Variants in TRMT1L observed in about 807,000 individuals in gnomAD.
TRMT1L encodes the protein tRNA (guanine(27)-N(2))-dimethyltransferase.
A neutral mutation model predicts 81.6 loss-of-function variants in TRMT1L; 28 were observed. That is an observed-to-expected ratio of 0.34 (90% CI 0.25 to 0.47). The LOEUF is 0.47. Ranked by LOEUF, TRMT1L falls within the 20% of genes least tolerant of loss-of-function variation. TRMT1L has a pLI of 1.00. For synonymous variants in TRMT1L, 301 were observed against 303.2 expected (o/e 0.99, Z 0.07); for missense variants, 739 against 877.1 (o/e 0.84, Z 1.99).
Position 185,120,290 on chromosome 1 carries a change from A to T in TRMT1L, c.1950-19T>A, listed in dbSNP as rs777399464. 2 of 1,513,594 alleles carry T rather than the reference A, an allele frequency of 1.3e-6. No homozygotes were observed. The highest frequency in any genetic ancestry group is 2.1e-5 in the Admixed American group (1 of 46,758). The allele number at this position is 1,513,594 out of a possible 1,614,324, so 93.8% of individuals were successfully genotyped here. Reference sequence around the variant, plus strand: ...TTTTAACCTGCAAAAAGGAAAGGAAAGAAAAAATAATCAGGTTCTTGTATT... The same window carrying T: ...TTTTAACCTGCAAAAAGGAAAGGAATGAAAAAATAATCAGGTTCTTGTATT... On this transcript the variant is annotated intron_variant, in intron 14 of 14. Coordinates refer to ENST00000367506, the MANE Select transcript of TRMT1L (RefSeq NM_030934.5).
intron 10 of TRMT1L, among the ~76,000 whole-genome samples, chr1:185,134,276 G>A (rs773466233): frequency 6.6e-6 from 1 of 152,094 alleles, no homozygotes. Context: ...TCTGCCTCCT[G>A]GGTTCAAGTG....
chr1:185,137,692 T>C lies in TRMT1L; in HGVS notation c.1427A>G (p.Asp476Gly), dbSNP rs1345218520. The change falls in exon 10 of 15, where the codon GAT becomes GGT. Residue 476 changes from aspartate to glycine, a missense_variant. This residue lies in a region of TRMT1L where 331 missense variants were observed against 462.2 expected (regional missense o/e 0.72). Coordinates refer to ENST00000367506, the MANE Select transcript of TRMT1L (RefSeq NM_030934.5). ...VRVLRGPTSA[D>G]ETAKKIQYLI... ...GTATTGAATCTTCTTGGCTGTTTCA[T>C]CTGCTGAAGTAGGTCCCCTCAAAAC... The C allele has an allele frequency of 3.1e-6, 5 of 1,614,182 alleles. No individual in the cohort carries two copies. Among genetic ancestry groups the C allele is most frequent in the Non-Finnish European group, 4.2e-6 (5 of 1,180,040 alleles).
At chr1:185,124,179 A>C (rs529081559) in intron 12 of TRMT1L, among the ~76,000 whole-genome samples, 1 of 152,310 alleles carries the variant, frequency 6.6e-6, no homozygotes, top group East Asian at 1.9e-4. Context: ...TGTTTGTACT[A>C]AACAGAAAAA....
In TRMT1L at chr1:185,119,734, T is replaced by G; in HGVS notation, c.*285A>C. On this transcript the variant is annotated 3_prime_UTR_variant, in exon 15 of 15. Coordinates refer to ENST00000367506, the MANE Select transcript of TRMT1L (RefSeq NM_030934.5). The stretch of plus-strand genomic sequence containing the variant: ...TACATAAAATTCCAAACACTTTGCA[T>G]GTGAAAATTTTCTGAATTATTAAGC... 3.9e-6 allele frequency: 1 copy of G among 259,226 alleles called. No individual in the cohort carries two copies. Among genetic ancestry groups the G allele is most frequent in the Non-Finnish European group, 7.3e-6 (1 of 137,270 alleles). The allele number at this position is 259,226 out of a possible 1,614,324, so 16.1% of individuals were successfully genotyped here.
intron 10 of TRMT1L, among the ~76,000 whole-genome samples, chr1:185,134,017 A>T (rs1180963415): frequency 1.3e-5 from 2 of 152,188 alleles, no homozygotes; most frequent in Non-Finnish European, 2.9e-5. Context: ...TTGGTTTAAA[A>T]AGCCAAATAC....
intron 10 of TRMT1L, among the ~76,000 whole-genome samples, chr1:185,129,117 AATAAT>A (rs1304023307): frequency 6.6e-6 from 1 of 152,132 alleles, no homozygotes; most frequent in Admixed American, 6.6e-5. Flanking sequence ...TACCACATGA[AATAAT>A]ATAAGGAAGG....
intron 10 of TRMT1L, 103 bp from the exon 11 acceptor site, chr1:185,128,850 T>C (rs1339487805): frequency 1.0e-6 from 1 of 993,926 alleles, no homozygotes; most frequent in African/African-American, 1.7e-5. Flanking sequence ...ATACTGAGGA[T>C]CTACTATGTG....
In TRMT1L at chr1:185,119,823, C is replaced by A. The variant is rs1024686034; in HGVS notation, c.*196G>T. The stretch of plus-strand genomic sequence containing the variant: ...TGTTTCCATTAAAATTTTAAGTTTG[C>A]CTTAAAACAAAAAAAAACTTGGAAA... On this transcript the variant is annotated 3_prime_UTR_variant, in exon 15 of 15. Coordinates refer to ENST00000367506, the MANE Select transcript of TRMT1L (RefSeq NM_030934.5). 2.0e-5 allele frequency: 11 copies of A among 562,080 alleles called. No homozygotes were observed. The highest frequency in any genetic ancestry group is 3.8e-5 in the African/African-American group (2 of 52,966). The allele number at this position is 562,080 out of a possible 1,614,324, so 34.8% of individuals were successfully genotyped here.
intron 10 of TRMT1L, among the ~76,000 whole-genome samples, chr1:185,135,240 A>G (rs113879149): frequency 2.0e-4 from 30 of 150,004 alleles, no homozygotes; most frequent in African/African-American, 7.1e-4. Context: ...ACATGGTGAA[A>G]CCCCGTCTCT....
Position 185,125,096 on chromosome 1 carries a change from A to G in TRMT1L, c.1607T>C (p.Phe536Ser). 6.2e-7 allele frequency: 1 copy of G among 1,605,922 alleles called. No individual in the cohort carries two copies. The highest frequency in any genetic ancestry group is 8.5e-7 in the Non-Finnish European group (1 of 1,175,818). The change falls in exon 12 of 15, where the codon TTC (phenylalanine) becomes TCC (serine). Residue 536 changes from phenylalanine to serine, a missense_variant. Phe to Ser is a radical substitution (Grantham distance 155). Around this residue, in one of 4 missense-constraint regions of TRMT1L, gnomAD observed 196 missense variants for 232.6 expected, o/e 0.84. Coordinates refer to ENST00000367506, the MANE Select transcript of TRMT1L (RefSeq NM_030934.5). The part of the protein sequence containing the change: ...ELGPLWSSSL[F>S]NTGFLKRMLF... Reference sequence around the variant, plus strand: ...CATTCTTTTGAGGAATCCAGTATTGAAAAGGGAACTTGACCTGAAAAGAAA... The same window carrying G: ...CATTCTTTTGAGGAATCCAGTATTGGAAAGGGAACTTGACCTGAAAAGAAA...
intron 10 of TRMT1L, among the ~76,000 whole-genome samples, chr1:185,130,523 CAG>C (rs1652743736): frequency 6.6e-6 from 1 of 152,146 alleles, no homozygotes; most frequent in Non-Finnish European, 1.5e-5. Context: ...ACCAACAAAA[CAG>C]AAAGTTCATT....
At chr1:185,143,138 G>A (rs1344881602) in intron 7 of TRMT1L, among the ~76,000 whole-genome samples, 1 of 152,004 alleles carries the variant, frequency 6.6e-6, no homozygotes, top group Non-Finnish European at 1.5e-5. Context: ...ATGAGAAAAC[G>A]ACTGAGCATG....
intron 13 of TRMT1L, among the ~76,000 whole-genome samples, chr1:185,122,682 ATT>A (rs374716894): frequency 2.0e-3 from 232 of 118,834 alleles, no homozygotes; most frequent in African/African-American, 5.4e-3. Context: ...CTTAAATCTA[ATT>A]TTTTTTTTTT....
intron 10 of TRMT1L, among the ~76,000 whole-genome samples, chr1:185,136,756 T>A (rs952387316): frequency 1.3e-5 from 2 of 152,092 alleles, no homozygotes; most frequent in African/African-American, 4.8e-5. Flanking sequence ...TAGACGTGTA[T>A]GAAGAAATAT....
chr1:185,141,259 T>C (rs181465743), intron 7 of TRMT1L, among the ~76,000 whole-genome samples: 1 of 152,318 alleles, frequency 6.6e-6, no homozygotes, highest in Non-Finnish European at 1.5e-5. Flanking sequence ...TTTCACAAGC[T>C]TGTGAGGTAA....
intron 10 of TRMT1L, among the ~76,000 whole-genome samples, chr1:185,134,180 CT>C (rs547591256): frequency 1.3e-5 from 2 of 151,804 alleles, no homozygotes; most frequent in East Asian, 1.9e-4. Context: ...AACTATTTGA[CT>C]TTTTTTTCTT....
In TRMT1L at chr1:185,156,727, T is replaced by C; in HGVS notation, c.-15A>G. 6.2e-7 allele frequency: 1 copy of C among 1,612,114 alleles called. No individual in the cohort carries two copies. Among genetic ancestry groups the C allele is most frequent in the Non-Finnish European group, 8.5e-7 (1 of 1,179,662 alleles). ...ATATTCTCCATAGTTACCGCCTCCG[T>C]GCCAAGCCCGCCCGGGGACCCGGAG... is the stretch of plus-strand genomic sequence containing the variant. On this transcript the variant is annotated 5_prime_UTR_variant, in exon 1 of 15. Coordinates refer to ENST00000367506, the MANE Select transcript of TRMT1L (RefSeq NM_030934.5).
chr1:185,124,449 C>T (rs1652573044), intron 12 of TRMT1L, among the ~76,000 whole-genome samples: 2 of 151,448 alleles, frequency 1.3e-5, no homozygotes, highest in Non-Finnish European at 2.9e-5. Flanking sequence ...GTAATCCCAG[C>T]CACTTTGGGA....
At chr1:185,128,385 C>T (rs1367094924) in intron 11 of TRMT1L, among the ~76,000 whole-genome samples, 1 of 152,174 alleles carries the variant, frequency 6.6e-6, no homozygotes, top group African/African-American at 2.4e-5. Context: ...TAAAAAGCTT[C>T]TTTCTTACTA....
Sources: gnomAD v4.1 joint callset for allele counts (sites outside exome capture counted in the v4.1 genomes callset) on GRCh38, gnomAD v4.1.1 for gene constraint, gnomAD v4.1.1 regional missense constraint, MANE v1.5 for transcripts, NCBI Gene and HGNC (gene_info 2026-07-23, HGNC 2026-07-21) for gene names.